Variants in AGBL1 observed in about 807,000 individuals in gnomAD.
The protein encoded by AGBL1 is cytosolic carboxypeptidase 4.
Under a neutral mutation model 118.9 loss-of-function variants are expected in AGBL1, and 130 were observed. That is an observed-to-expected ratio of 1.09 (90% CI 0.95 to 1.26). The LOEUF (loss-of-function observed/expected upper bound fraction) is 1.26, where lower values mean the gene tolerates loss of function less well. Ranked by LOEUF, AGBL1 falls within the 50% of genes most tolerant of loss-of-function variation. The probability of loss-of-function intolerance (pLI) is 0.00; values close to 1 mark genes in which losing one functional copy is unlikely to be tolerated. For synonymous variants in AGBL1, 555 were observed against 478.9 expected (o/e 1.16, Z -2.08); for missense variants, 1,584 against 1,298.1 (o/e 1.22, Z -3.38).
At chr15:86,262,103 G>T (rs1440446006) in intron 9 of AGBL1, among the ~76,000 whole-genome samples, 5 of 8,804 alleles carry the variant, frequency 5.7e-4, no homozygotes, top group Non-Finnish European at 6.5e-4. Context: ...TTGCCATTTA[G>T]GTCTCAGTTA....
At chr15:86,159,787 C>T (rs975237007) in intron 5 of AGBL1, among the ~76,000 whole-genome samples, 7 of 152,180 alleles carry the variant, frequency 4.6e-5, no homozygotes, top group Admixed American at 6.6e-5. Flanking sequence ...CCATGCCCAA[C>T]CATGATATTT....
At chr15:86,193,117 A>T (rs1021481685) in intron 5 of AGBL1, among the ~76,000 whole-genome samples, 3 of 152,232 alleles carry the variant, frequency 2.0e-5, no homozygotes, top group African/African-American at 7.2e-5. Flanking sequence ...AGATACTGTG[A>T]TGGGTGTCAA....
intron 1 of AGBL1, 36 bp from the exon 2 acceptor site, chr15:86,141,968 C>A (rs1202162430): frequency 6.5e-7 from 1 of 1,542,994 alleles, no homozygotes; most frequent in Non-Finnish European, 8.8e-7. Flanking sequence ...CTTCCTCTTG[C>A]ATTCTTAAAT....
intron 22 of AGBL1, 88 bp downstream of exon 22, chr15:86,674,524 G>T: frequency 7.4e-7 from 1 of 1,349,990 alleles, no homozygotes; most frequent in South Asian, 1.4e-5. Context: ...GTGGACCTAG[G>T]GGTCTTTACA....
At chr15:86,564,320 G>A (rs1236601502) in intron 21 of AGBL1, among the ~76,000 whole-genome samples, 1 of 152,172 alleles carries the variant, frequency 6.6e-6, no homozygotes, top group African/African-American at 2.4e-5. Context: ...TTGTAGGGCA[G>A]GCCTGGAGGT....
intron 23 of AGBL1, among the ~76,000 whole-genome samples, chr15:86,960,981 A>G (rs1052138754): frequency 6.6e-6 from 1 of 152,226 alleles, no homozygotes; most frequent in African/African-American, 2.4e-5. Flanking sequence ...ACTTTCAGTT[A>G]TAAGACGACT....
At chr15:86,864,166 G>A (rs1596564823) in intron 22 of AGBL1, among the ~76,000 whole-genome samples, 1 of 152,252 alleles carries the variant, frequency 6.6e-6, no homozygotes, top group African/African-American at 2.4e-5. Flanking sequence ...TAAGAAAGAA[G>A]GCATACTTGC....
At chr15:86,389,204 A>G (rs1440690272) in intron 17 of AGBL1, among the ~76,000 whole-genome samples, 1 of 152,228 alleles carries the variant, frequency 6.6e-6, no homozygotes, top group Non-Finnish European at 1.5e-5. Flanking sequence ...AAATTTCGAT[A>G]AAAGTTTTTT....
intron 18 of AGBL1, among the ~76,000 whole-genome samples, chr15:86,472,938 C>G (rs2082499073): frequency 6.6e-6 from 1 of 152,086 alleles, no homozygotes; most frequent in African/African-American, 2.4e-5. Context: ...AAAAACAGAA[C>G]AATAAAATAA....
chr15:86,494,370 T>G (rs1489354877), intron 18 of AGBL1, among the ~76,000 whole-genome samples: 1 of 152,068 alleles, frequency 6.6e-6, no homozygotes, highest in Non-Finnish European at 1.5e-5. Context: ...TTATAAAGTG[T>G]AGAATTTTGT....
At chr15:86,572,206 G>C (rs2084020118) in intron 21 of AGBL1, among the ~76,000 whole-genome samples, 1 of 151,566 alleles carries the variant, frequency 6.6e-6, no homozygotes, top group Non-Finnish European at 1.5e-5. Flanking sequence ...CTCCCTTCCT[G>C]GGCCCCCAAG....
At chr15:86,982,560 G>A (rs1027863592) in intron 23 of AGBL1, among the ~76,000 whole-genome samples, 5 of 151,908 alleles carry the variant, frequency 3.3e-5, no homozygotes, top group African/African-American at 9.7e-5. Context: ...CCTCCACCTC[G>A]CCTGCCTCTG....
chr15:86,110,259 T>C (rs1897287492), intron 1 of AGBL1, among the ~76,000 whole-genome samples: 2 of 152,206 alleles, frequency 1.3e-5, no homozygotes, highest in South Asian at 4.1e-4. Context: ...CATGTATAAG[T>C]TTTGGCTGCC....
chr15:86,142,162 C>G, intron 2 of AGBL1, 95 bp downstream of exon 2: 2 of 1,285,776 alleles, frequency 1.6e-6, no homozygotes, highest in Middle Eastern at 2.4e-4. Context: ...GGGGTTTGCT[C>G]TTGCTTCAGT....
intron 22 of AGBL1, among the ~76,000 whole-genome samples, chr15:86,716,052 C>A (rs1315111266): frequency 2.3e-5 from 3 of 132,722 alleles, no homozygotes; most frequent in African/African-American, 8.9e-5. Flanking sequence ...GGCAACAGAG[C>A]AAGACTCCGT....
intron 18 of AGBL1, among the ~76,000 whole-genome samples, chr15:86,458,062 T>A (rs557201147): frequency 9.7e-6 from 1 of 103,026 alleles, no homozygotes; most frequent in Non-Finnish European, 1.9e-5. Context: ...AAATACACTG[T>A]CCCCGTATAT....
chr15:86,941,000 T>G (rs1596655038), intron 23 of AGBL1, among the ~76,000 whole-genome samples: 1 of 152,290 alleles, frequency 6.6e-6, no homozygotes, highest in East Asian at 1.9e-4. Flanking sequence ...GGACCTCAAA[T>G]AAAGCAACCT....
intron 21 of AGBL1, among the ~76,000 whole-genome samples, chr15:86,646,511 T>C (rs546604421): frequency 8.5e-5 from 13 of 152,330 alleles, no homozygotes; most frequent in Admixed American, 7.8e-4. Context: ...CTGCCTAACC[T>C]GAGAGGAAAG....
intron 1 of AGBL1, among the ~76,000 whole-genome samples, chr15:86,108,711 C>T (rs917602213): frequency 6.6e-6 from 1 of 152,198 alleles, no homozygotes; most frequent in Non-Finnish European, 1.5e-5. Context: ...ATAATCCCAG[C>T]ACTTTGGGAG....
Sources: allele counts gnomAD v4.1 joint callset (sites outside exome capture counted in the v4.1 genomes callset), GRCh38; gene constraint gnomAD v4.1.1; transcripts MANE v1.5; gene names NCBI Gene and HGNC (gene_info 2026-07-23, HGNC 2026-07-21).